Variants in WWOX observed in about 807,000 individuals in gnomAD.
WWOX encodes WW domain containing oxidoreductase.
Under a neutral mutation model 46.2 loss-of-function variants are expected in WWOX, and 69 were observed. That is an observed-to-expected ratio of 1.49 (90% CI 1.23 to 1.82). WWOX has a LOEUF of 1.82. WWOX is among the 40% of genes most tolerant of loss of function. The probability of loss-of-function intolerance (pLI) is 0.00; values close to 1 mark genes in which losing one functional copy is unlikely to be tolerated. For missense variants in WWOX, 919 were observed against 542.6 expected (o/e 1.69, Z -6.89); for synonymous variants, 359 against 202.6 (o/e 1.77, Z -6.56).
At chr16:78,163,385 C>T (rs1437080643) in intron 4 of WWOX, among the ~76,000 whole-genome samples, 13 of 152,260 alleles carry the variant, frequency 8.5e-5, no homozygotes, top group Admixed American at 5.9e-4. Context: ...TTTAGGATCC[C>T]GACCCAAGGT....
chr16:78,531,849 C>T (rs563993225), intron 8 of WWOX, among the ~76,000 whole-genome samples: 2 of 152,248 alleles, frequency 1.3e-5, no homozygotes, highest in Admixed American at 6.5e-5. Context: ...CAGAGGAAGA[C>T]TCTGTCTCAA....
At chr16:78,167,764 C>T (rs11150046) in intron 5 of WWOX, 19,899 of 152,158 alleles carry the variant, frequency 0.13, 1,562 homozygotes, top group East Asian at 0.22. Flanking sequence ...GATGTGAAGT[C>T]GTAAGGCCTT....
chr16:78,470,516 A>G (rs1439407306), intron 8 of WWOX, among the ~76,000 whole-genome samples: 1 of 151,814 alleles, frequency 6.6e-6, no homozygotes, highest in Non-Finnish European at 1.5e-5. Context: ...ATGTATGTAT[A>G]TATGTATGTA....
chr16:78,825,536 T>C (rs1009196363), intron 8 of WWOX: 4 of 526,156 alleles, frequency 7.6e-6, no homozygotes, highest in African/African-American at 5.8e-5. Flanking sequence ...TTGTAGAGCT[T>C]TATGCTGAAA....
intron 8 of WWOX, among the ~76,000 whole-genome samples, chr16:78,845,811 G>C (rs954151920): frequency 6.6e-6 from 1 of 152,314 alleles, no homozygotes; most frequent in Non-Finnish European, 1.5e-5. Context: ...GCTGGCTTAT[G>C]TGGGCACTTA....
intron 8 of WWOX, among the ~76,000 whole-genome samples, chr16:78,762,020 C>T (rs150537803): frequency 1.3e-5 from 2 of 152,154 alleles, no homozygotes; most frequent in African/African-American, 4.8e-5. Flanking sequence ...ATGAGAATTT[C>T]TTAGATTGAA....
At chr16:79,116,600 C>A (rs889208416) in intron 8 of WWOX, among the ~76,000 whole-genome samples, 9 of 152,160 alleles carry the variant, frequency 5.9e-5, no homozygotes, top group Admixed American at 1.3e-4. Flanking sequence ...CATCATCAGG[C>A]TCTACTTCTA....
At chr16:78,651,434 C>A (rs1467737492) in intron 8 of WWOX, among the ~76,000 whole-genome samples, 1 of 152,148 alleles carries the variant, frequency 6.6e-6, no homozygotes, top group East Asian at 1.9e-4. Context: ...AGAACAAGTC[C>A]CCTGGAGGTC....
chr16:78,690,999 C>A (rs142534987), intron 8 of WWOX, among the ~76,000 whole-genome samples: 2 of 152,132 alleles, frequency 1.3e-5, no homozygotes, highest in East Asian at 1.9e-4. Context: ...ATTCGTAGAC[C>A]CCCTTTGATA....
chr16:79,116,249 G>T (rs1320510161), intron 8 of WWOX, among the ~76,000 whole-genome samples: 1 of 152,166 alleles, frequency 6.6e-6, no homozygotes. Context: ...CTTAAAATAA[G>T]ACAAGGATAA....
At chr16:78,952,847 T>A (rs983201245) in intron 8 of WWOX, among the ~76,000 whole-genome samples, 1 of 152,188 alleles carries the variant, frequency 6.6e-6, no homozygotes. Context: ...CGTGAATAAA[T>A]CTGCGCTTTA....
At chr16:78,774,357 C>T (rs574392155) in intron 8 of WWOX, among the ~76,000 whole-genome samples, 62 of 152,198 alleles carry the variant, frequency 4.1e-4, no homozygotes, top group East Asian at 1.9e-3. Flanking sequence ...GCCGAGATCG[C>T]GCCACTGCAC....
intron 8 of WWOX, among the ~76,000 whole-genome samples, chr16:79,084,241 A>G (rs1461418368): frequency 6.6e-6 from 1 of 152,196 alleles, no homozygotes; most frequent in Non-Finnish European, 1.5e-5. Context: ...CCTAGTGAAG[A>G]GGTGAGGAAG....
intron 8 of WWOX, among the ~76,000 whole-genome samples, chr16:78,451,892 A>C (rs1470443700): frequency 1.3e-5 from 2 of 152,224 alleles, no homozygotes. Context: ...AGCCGCCATC[A>C]TTCCTTCCAC....
intron 8 of WWOX, among the ~76,000 whole-genome samples, chr16:78,988,658 C>A (rs935580806): frequency 6.6e-6 from 1 of 152,138 alleles, no homozygotes; most frequent in African/African-American, 2.4e-5. Context: ...TCATATTGGT[C>A]AACTTTTTCA....
rs536245408 is a variant in WWOX at position 78,826,062 on chromosome 16, T to C, written c.1057-385546T>C. 2.5e-4 allele frequency: 102 copies of C among 411,462 alleles called. No individual in the cohort carries two copies. The East Asian group carries it at 3.8e-3, about 15-fold the overall frequency. The allele number at this position is 411,462 out of a possible 1,614,324, so 25.5% of individuals were successfully genotyped here. A position where few individuals can be genotyped will look rare whatever the true frequency, so the allele number is the denominator to read the frequency against. On this transcript the variant is annotated intron_variant, in intron 8 of 8. Coordinates refer to ENST00000566780, the MANE Select transcript of WWOX (RefSeq NM_016373.4). The stretch of plus-strand genomic sequence containing the variant: ...CTGGATGTTGCTTTGTAAAGACATT[T>C]AATAAAATATTGTACAAAGACAACC...
intron 8 of WWOX, among the ~76,000 whole-genome samples, chr16:78,857,199 A>T (rs905666961): frequency 2.0e-5 from 3 of 152,204 alleles, no homozygotes; most frequent in African/African-American, 4.8e-5. Context: ...GAACCTCCTA[A>T]TAGAAAAATG....
intron 5 of WWOX, among the ~76,000 whole-genome samples, chr16:78,369,707 A>G (rs2081622838): frequency 1.3e-5 from 2 of 149,092 alleles, no homozygotes; most frequent in East Asian, 2.0e-4. Context: ...ATTAATAAAC[A>G]CCATCAGAAA....
chr16:78,872,212 A>C (rs895505812), intron 8 of WWOX, among the ~76,000 whole-genome samples: 8 of 152,230 alleles, frequency 5.3e-5, no homozygotes, highest in Admixed American at 5.2e-4. Flanking sequence ...CCTGGATTCA[A>C]ATCCCAGCTC....
Sources: gnomAD v4.1 joint callset for allele counts (sites outside exome capture counted in the v4.1 genomes callset) on GRCh38, gnomAD v4.1.1 for gene constraint, MANE v1.5 for transcripts, NCBI Gene and HGNC (gene_info 2026-07-23, HGNC 2026-07-21) for gene names.